PPP2R2B: variants seen among roughly 807,000 people sequenced by gnomAD.
The protein encoded by PPP2R2B is protein phosphatase 2 regulatory subunit Bbeta.
In PPP2R2B, 5 loss-of-function variants were observed where a neutral mutation model predicts 46.0. The observed-to-expected ratio is 0.11, with a 90% CI of 0.06 to 0.23. The LOEUF (loss-of-function observed/expected upper bound fraction) is 0.23. Among genes scored for constraint, PPP2R2B ranks in the 10% least tolerant of loss-of-function variants. The probability of loss-of-function intolerance (pLI) is 1.00; values close to 1 mark genes in which losing one functional copy is unlikely to be tolerated. For synonymous variants in PPP2R2B, 215 were observed against 206.7 expected (o/e 1.04, Z -0.34); for missense variants, 367 against 575.0 (o/e 0.64, Z 3.70).
intron 2 of PPP2R2B, among the ~76,000 whole-genome samples, chr5:146,821,386 G>A (rs1385742714): frequency 6.6e-6 from 1 of 152,056 alleles, no homozygotes; most frequent in Non-Finnish European, 1.5e-5. Flanking sequence ...ATTTATCCTT[G>A]TAGATCAAGC....
intron 1 of PPP2R2B, among the ~76,000 whole-genome samples, chr5:147,011,429 C>T (rs75286513): frequency 0.019 from 2,962 of 152,170 alleles, 111 homozygotes; most frequent in African/African-American, 0.067. Context: ...TATAACTATA[C>T]AACTAACTAT....
intron 2 of PPP2R2B, among the ~76,000 whole-genome samples, chr5:146,749,861 G>A (rs796882727): frequency 1.2e-4 from 18 of 152,080 alleles, no homozygotes; most frequent in African/African-American, 4.3e-4. Flanking sequence ...GCCTCCCAAA[G>A]TGTTGGGATT....
chr5:146,744,311 C>G lies in PPP2R2B; in HGVS notation c.71-43169G>C, dbSNP rs1413277921. On this transcript the variant is annotated intron_variant, in intron 2 of 9. Transcript: ENST00000394411. ...TCAGGATGGAGTGGCAGAGCAGATA[C>G]AGATATGTCTCCGCAGCCAAAGAAG... is the stretch of plus-strand genomic sequence containing the variant. Among the ~76,000 whole-genome samples the G allele has an allele frequency of 2.6e-5, 4 of 152,276 alleles. No individual in the cohort carries two copies. The East Asian group carries it at 5.8e-4, about 22-fold the overall frequency.
intron 1 of PPP2R2B, among the ~76,000 whole-genome samples, chr5:146,922,078 GTATGCTAAACTGTACC>G (rs1288339045): frequency 2.0e-5 from 3 of 152,288 alleles, no homozygotes; most frequent in Non-Finnish European, 4.4e-5. Context: ...TTGCTAAACT[GTATGCTAAACTGTACC>G]TATGCTAAAC....
intron 1 of PPP2R2B, among the ~76,000 whole-genome samples, chr5:146,932,482 C>T (rs1344444165): frequency 2.0e-5 from 3 of 152,088 alleles, no homozygotes; most frequent in Non-Finnish European, 4.4e-5. Context: ...GAGCTTTTCC[C>T]CTTTTTGCTT....
At chr5:146,634,884 T>A (rs971449818) in intron 7 of PPP2R2B, among the ~76,000 whole-genome samples, 1 of 151,998 alleles carries the variant, frequency 6.6e-6, no homozygotes, top group Non-Finnish European at 1.5e-5. Flanking sequence ...GTCTCCAGAG[T>A]CTGATACAGT....
intron 1 of PPP2R2B, among the ~76,000 whole-genome samples, chr5:146,963,557 G>A (rs1045844801): frequency 5.3e-5 from 8 of 152,066 alleles, no homozygotes; most frequent in African/African-American, 1.9e-4. Flanking sequence ...CATTTCTTTG[G>A]GGTCCCAAGT....
At chr5:147,060,442 T>C (rs188262152), upstream of PPP2R2B, among the ~76,000 whole-genome samples, 4 of 152,040 alleles carry the variant, frequency 2.6e-5, no homozygotes, top group East Asian at 1.9e-4. Context: ...GCCTGGGCAA[T>C]AGGGTGAATA....
intron 1 of PPP2R2B, among the ~76,000 whole-genome samples, chr5:146,965,461 C>A (rs1752358852): frequency 6.6e-6 from 1 of 152,074 alleles, no homozygotes. Context: ...AGGCAAGCAA[C>A]TTTCCCTCTC....
At chr5:146,960,658 C>A (rs1013488572) in intron 1 of PPP2R2B, among the ~76,000 whole-genome samples, 1 of 152,106 alleles carries the variant, frequency 6.6e-6, no homozygotes, top group African/African-American at 2.4e-5. Context: ...ATGGACCAAG[C>A]AATGTAGTCA....
At chr5:146,734,211 A>G (rs1752405711) in intron 2 of PPP2R2B, among the ~76,000 whole-genome samples, 1 of 151,942 alleles carries the variant, frequency 6.6e-6, no homozygotes, top group Non-Finnish European at 1.5e-5. Context: ...GCACACCACC[A>G]TACCTGGCTA....
At chr5:146,996,318 T>G (rs1420783602) in intron 1 of PPP2R2B, among the ~76,000 whole-genome samples, 2 of 152,182 alleles carry the variant, frequency 1.3e-5, no homozygotes, top group Non-Finnish European at 2.9e-5. Flanking sequence ...TTATGGGGCA[T>G]AGCTTAGGCA....
intron 2 of PPP2R2B, among the ~76,000 whole-genome samples, chr5:146,705,427 T>A (rs1172313968): frequency 2.6e-5 from 4 of 152,146 alleles, no homozygotes; most frequent in Non-Finnish European, 5.9e-5. Flanking sequence ...GGTGCCATGA[T>A]TAATGGGTAA....
chr5:146,656,335 C>G (rs1223286759), intron 5 of PPP2R2B: 1 of 150,826 alleles, frequency 6.6e-6, no homozygotes, highest in Non-Finnish European at 1.5e-5. Flanking sequence ...TGCAAAGGCA[C>G]TGAGGTTGGA....
chr5:146,878,602 G>T lies in PPP2R2B; in HGVS notation c.-136C>A. 1.6e-6 allele frequency: 2 copies of T among 1,236,680 alleles called. No individual in the cohort carries two copies. Among genetic ancestry groups the T allele is most frequent in the South Asian group, 3.1e-5 (2 of 64,050 alleles). The allele number at this position is 1,236,680 out of a possible 1,614,324, so 76.6% of individuals were successfully genotyped here. On this transcript the variant is annotated 5_prime_UTR_variant, in exon 1 of 10. Coordinates refer to ENST00000394411, the MANE Select transcript of PPP2R2B (RefSeq NM_181675.4). This position sits in a 1 kb window ranked among gnomAD's most constrained non-coding sequence, Gnocchi z 4.5. ...GGATTCAGGCTTGCCTGGCCGGAAT[G>T]AGGGTGCTGGTCCCACGGGAGGGCG...
At chr5:147,037,241 C>A (rs1756084778) in intron 1 of PPP2R2B, among the ~76,000 whole-genome samples, 1 of 152,072 alleles carries the variant, frequency 6.6e-6, no homozygotes, top group Admixed American at 6.6e-5. Context: ...GTCTATACCA[C>A]AGGCTTATTT....
chr5:146,601,879 A>T (rs888964364), intron 7 of PPP2R2B, among the ~76,000 whole-genome samples: 4 of 152,090 alleles, frequency 2.6e-5, no homozygotes, highest in Admixed American at 2.6e-4. Context: ...GGTTCTTATT[A>T]TCTCTCTCAA....
At chr5:146,882,557 T>C (rs1412948882), upstream of PPP2R2B, among the ~76,000 whole-genome samples, 3 of 152,194 alleles carry the variant, frequency 2.0e-5, no homozygotes, top group Non-Finnish European at 2.9e-5. Flanking sequence ...ATTTGTTTCA[T>C]AGAGTTATTA....
intron 1 of PPP2R2B, among the ~76,000 whole-genome samples, chr5:146,892,009 C>T (rs1229545110): frequency 1.3e-5 from 2 of 152,170 alleles, no homozygotes; most frequent in South Asian, 2.1e-4. Flanking sequence ...GAGCGATTAC[C>T]GTCATTAGCA....
Sources: allele counts gnomAD v4.1 joint callset (sites outside exome capture counted in the v4.1 genomes callset), GRCh38; gene constraint gnomAD v4.1.1; non-coding constraint Gnocchi (gnomAD v3.1); transcripts MANE v1.5; gene names NCBI Gene and HGNC (gene_info 2026-07-23, HGNC 2026-07-21).